NDRG3: variants seen among roughly 807,000 people sequenced by gnomAD.
NDRG3 encodes the protein NDRG family member 3, also known as protein NDRG3.
Under a neutral mutation model 57.2 loss-of-function variants are expected in NDRG3, and 23 were observed. That is an observed-to-expected ratio of 0.40 (90% CI 0.29 to 0.57). The LOEUF (loss-of-function observed/expected upper bound fraction) is 0.57. Among genes scored for constraint, NDRG3 ranks in the 20% least tolerant of loss-of-function variants. The pLI, the probability that NDRG3 is intolerant of heterozygous loss-of-function variation, is 0.42. For missense variants in NDRG3, 384 were observed against 457.3 expected (o/e 0.84, Z 1.46); for synonymous variants, 132 against 162.6 (o/e 0.81, Z 1.43).
chr20:36,708,057 C>A (rs6101907), intron 2 of NDRG3, among the ~76,000 whole-genome samples: 18,560 of 151,404 alleles, frequency 0.12, 1,278 homozygotes, highest in Admixed American at 0.24. Flanking sequence ...GTGCTCCAGC[C>A]TGGGCAACAG....
intron 15 of NDRG3, among the ~76,000 whole-genome samples, chr20:36,655,032 A>G (rs2148014024): frequency 6.6e-6 from 1 of 152,312 alleles, no homozygotes; most frequent in South Asian, 2.1e-4. Flanking sequence ...CAACTAGACA[A>G]AGGCAATTGT....
intron 9 of NDRG3, 117 bp downstream of exon 9, chr20:36,671,224 G>C (rs543199877): frequency 3.7e-6 from 3 of 812,116 alleles, no homozygotes; most frequent in South Asian, 3.2e-5. Context: ...GACTACATTG[G>C]AACTGTTACT....
intron 1 of NDRG3, among the ~76,000 whole-genome samples, chr20:36,726,069 G>GCCA (rs1984915053): frequency 6.6e-6 from 1 of 151,730 alleles, no homozygotes; most frequent in Non-Finnish European, 1.5e-5. Flanking sequence ...ATGGGCATGT[G>GCCA]CCACCATGCC....
At chr20:36,700,434 C>T (rs560485806) in intron 3 of NDRG3, 4 of 532,164 alleles carry the variant, frequency 7.5e-6, no homozygotes, top group Non-Finnish European at 1.5e-5. Flanking sequence ...GAAGCACTCA[C>T]CTCCATGGTG....
rs1986185214 is a variant in NDRG3, at chr20:36,746,082, G to GGCGGCGGCGGCGGCGGCA, written c.-87_-86insTGCCGCCGCCGCCGCCGC. 5.2e-5 allele frequency: 1 copy of GGCGGCGGCGGCGGCGGCA among 19,368 alleles called. No homozygotes were observed. The allele number at this position is 19,368 out of a possible 1,614,324, so 1.2% of individuals were successfully genotyped here. On this transcript the variant is annotated 5_prime_UTR_variant, in exon 1 of 16. Coordinates refer to ENST00000349004, the MANE Select transcript of NDRG3 (RefSeq NM_032013.4). ...CACCCGCCGTCAGTGCAGCAGCAGCGGCGGCGGCGGCGGCGGCGGCGGCGG... is the reference window on the plus strand; with the variant it reads ...CACCCGCCGTCAGTGCAGCAGCAGCGGCGGCGGCGGCGGCGGCAGCGGCGGCGGCGGCGGCGGCGGCGG...
chr20:36,746,052 G>C lies in NDRG3; in HGVS notation c.-56C>G, dbSNP rs964257006. On this transcript the variant is annotated 5_prime_UTR_variant, in exon 1 of 16. Coordinates refer to ENST00000349004, the MANE Select transcript of NDRG3 (RefSeq NM_032013.4). ...GCGGAGGCGCTCACTCACCTGAGGC[G>C]CGGGCACCCGCCGTCAGTGCAGCAG... The C allele has an allele frequency of 2.9e-6, 1 of 341,286 alleles. No individual in the cohort carries two copies. The highest frequency in any genetic ancestry group is 2.2e-5 in the African/African-American group (1 of 46,024). 21.1% of individuals were successfully genotyped at this position (341,286 alleles called of 1,614,324 possible). A position where few individuals can be genotyped will look rare whatever the true frequency, so the allele number is the denominator to read the frequency against.
chr20:36,660,993 A>T (rs1305886715), intron 12 of NDRG3, among the ~76,000 whole-genome samples: 1 of 152,218 alleles, frequency 6.6e-6, no homozygotes, highest in African/African-American at 2.4e-5. Context: ...CTGACTAGCT[A>T]TATAACATGA....
At chr20:36,661,117 T>C (rs1191111487) in intron 12 of NDRG3, among the ~76,000 whole-genome samples, 1 of 152,182 alleles carries the variant, frequency 6.6e-6, no homozygotes. Flanking sequence ...CCTGGGCACC[T>C]CCCTTACCTC....
rs146612979 is a variant in NDRG3 at position 36,682,612 on chromosome 20, C to T, written c.384-34G>A. The T allele has an allele frequency of 2.9e-5, 46 of 1,585,632 alleles. No homozygotes were observed. In the South Asian group the frequency reaches 4.6e-4, roughly 16 times the overall value. On this transcript the variant is annotated intron_variant, in intron 6 of 15. Coordinates refer to ENST00000349004, the MANE Select transcript of NDRG3 (RefSeq NM_032013.4). The stretch of plus-strand genomic sequence containing the variant: ...GGGACATAACGACAACTGACAGAGT[C>T]AACTTCATTTGCAGGCAGCATTGCA...
At chr20:36,721,036 A>C (rs1243625686) in intron 2 of NDRG3, among the ~76,000 whole-genome samples, 1 of 151,106 alleles carries the variant, frequency 6.6e-6, no homozygotes, top group Non-Finnish European at 1.5e-5. Context: ...TTGGCCTCCC[A>C]AAGTGCTGGG....
At position 36,684,427 on chromosome 20, in the gene NDRG3, A is replaced by G; in HGVS notation, c.369T>C (p.Val123=). Residue 123 remains valine, a synonymous_variant, in exon 6 of 16, where the codon GTT becomes GTC. Coordinates refer to ENST00000349004, the MANE Select transcript of NDRG3 (RefSeq NM_032013.4). The part of the protein sequence containing the change: ...MDELAEMLPP[V]LTHLSLKSII... ...AATGAACCTACCTTAGGTGGGTAAG[A>G]ACAGGAGGCAGCATTTCAGCCAGCT... 1.2e-6 allele frequency: 2 copies of G among 1,614,110 alleles called. No homozygotes were observed. The highest frequency in any genetic ancestry group is 1.7e-6 in the Non-Finnish European group (2 of 1,179,952).
chr20:36,693,187 TAC>T (rs11470277), intron 3 of NDRG3, among the ~76,000 whole-genome samples: 41 of 124,802 alleles, frequency 3.3e-4, no homozygotes, highest in Middle Eastern at 4.5e-3. Flanking sequence ...CATATATATA[TAC>T]ACACACACAT....
chr20:36,732,340 G>A (rs1338228676), intron 1 of NDRG3, among the ~76,000 whole-genome samples: 1 of 152,170 alleles, frequency 6.6e-6, no homozygotes, highest in Non-Finnish European at 1.5e-5. Flanking sequence ...CTAGGGCTCT[G>A]CAGAACACCG....
chr20:36,660,556 A>ATTTT (rs1487562525), intron 12 of NDRG3, among the ~76,000 whole-genome samples, 172 bp from the exon 13 acceptor site: 11 of 150,450 alleles, frequency 7.3e-5, no homozygotes, highest in African/African-American at 1.7e-4. Flanking sequence ...TTATTTATTT[A>ATTTT]TTTATTTATT....
At chr20:36,701,755 C>T (rs1039603322) in intron 3 of NDRG3, among the ~76,000 whole-genome samples, 63 of 151,374 alleles carry the variant, frequency 4.2e-4, no homozygotes, top group South Asian at 2.1e-4. Context: ...TCCATGTTGG[C>T]CAGGCTGGTT....
At chr20:36,729,029 G>A (rs1411858697) in intron 1 of NDRG3, among the ~76,000 whole-genome samples, 1 of 152,134 alleles carries the variant, frequency 6.6e-6, no homozygotes, top group African/African-American at 2.4e-5. Context: ...GGCTGTTCAA[G>A]GCATTTTGGA....
At chr20:36,717,321 G>C (rs1004256409) in intron 2 of NDRG3, among the ~76,000 whole-genome samples, 2 of 152,148 alleles carry the variant, frequency 1.3e-5, no homozygotes, top group Non-Finnish European at 2.9e-5. Context: ...CAAATTTCAC[G>C]GTAAAAGGTT....
At chr20:36,679,976 C>T (rs1981111588) in intron 8 of NDRG3, among the ~76,000 whole-genome samples, 1 of 151,194 alleles carries the variant, frequency 6.6e-6, no homozygotes, top group African/African-American at 2.4e-5. Context: ...AGGCATGCAC[C>T]ACCACACCCG....
intron 2 of NDRG3, among the ~76,000 whole-genome samples, chr20:36,717,183 T>C (rs1304995556): frequency 6.6e-6 from 1 of 152,176 alleles, no homozygotes; most frequent in African/African-American, 2.4e-5. Flanking sequence ...TTCTTGACAA[T>C]TCTGAGCCGT....
Sources: allele counts gnomAD v4.1 joint callset (sites outside exome capture counted in the v4.1 genomes callset), GRCh38; gene constraint gnomAD v4.1.1; transcripts MANE v1.5; gene names NCBI Gene and HGNC (gene_info 2026-07-23, HGNC 2026-07-21).